Variants in TOP1 observed in about 807,000 individuals in gnomAD.
TOP1 encodes DNA topoisomerase I.
A neutral mutation model predicts 111.1 loss-of-function variants in TOP1; 10 were observed. The ratio of observed to expected loss-of-function variants is 0.09; its 90% CI spans 0.06 to 0.15. TOP1 has a LOEUF of 0.15. Ranked by LOEUF, TOP1 falls within the 10% of genes least tolerant of loss-of-function variation. The pLI is 1.00. For missense variants in TOP1, 474 were observed against 926.7 expected, an observed-to-expected ratio of 0.51 and a Z score of 6.34; for synonymous variants, 271 against 302.9, an observed-to-expected ratio of 0.89 and a Z score of 1.10.
At position 41,095,060 on chromosome 20, in the gene TOP1, T is replaced by A. The variant is rs2145947576; in HGVS notation, c.731-2160T>A. Among the ~76,000 whole-genome samples, 1 of 152,228 alleles carries A rather than the reference T, an allele frequency of 6.6e-6. No homozygotes were observed. Among genetic ancestry groups the A allele is most frequent in the Non-Finnish European group, 1.5e-5 (1 of 68,016 alleles). ...ATTTTTTTTAAATTTATTTTTATAT[T>A]TATTTATTTGAGACAGAGTCACACT... On this transcript the variant is annotated intron_variant, in intron 9 of 20. Transcript: ENST00000361337. The surrounding 1 kb of genome is among the most constrained non-coding windows in gnomAD (Gnocchi z 4.6).
At position 41,100,254 on chromosome 20, in the gene TOP1, A is replaced by G. The variant is rs1029918789; in HGVS notation, c.1163+11A>G. 6 of 1,606,114 alleles carry G rather than the reference A, an allele frequency of 3.7e-6. No individual in the cohort carries two copies. The highest frequency in any genetic ancestry group is 1.1e-5 in the South Asian group (1 of 90,572). ...CATCAACTGTAGCAAGTGAGCTCGC[A>G]CTTCATCCTATGGGCCAAAAAGGGG... On this transcript the variant is annotated intron_variant, in intron 12 of 20. Transcript: ENST00000361337. The surrounding 1 kb of genome is among the most constrained non-coding windows in gnomAD (Gnocchi z 4.4).
intron 18 of TOP1, among the ~76,000 whole-genome samples, chr20:41,120,797 A>G (rs2034410115): frequency 6.6e-6 from 1 of 152,168 alleles, no homozygotes; most frequent in Non-Finnish European, 1.5e-5. Flanking sequence ...GCTGGAGTGC[A>G]GGGGCATGAT....
intron 8 of TOP1, among the ~76,000 whole-genome samples, chr20:41,091,060 T>C (rs2033914292): frequency 6.6e-6 from 1 of 152,234 alleles, no homozygotes; most frequent in South Asian, 2.1e-4. Flanking sequence ...CATCTTGTTG[T>C]AAATCATTTG....
Position 41,092,562 on chromosome 20 carries a change from A to G in TOP1, c.705A>G (p.Pro235=). 1 of 1,586,724 alleles carries G rather than the reference A, an allele frequency of 6.3e-7. No individual in the cohort carries two copies. The highest frequency in any genetic ancestry group is 8.6e-7 in the Non-Finnish European group (1 of 1,165,380). ...TTGCCCCACCATATGAGCCTCTTCC[A>G]GAGAATGTCAAGTTTTATTATGATG... ...PVFAPPYEPL[P]ENVKFYYDGK... is the part of the protein sequence containing the mutation. The change falls in exon 9 of 21, where the codon CCA becomes CCG. Residue 235 remains proline, a synonymous_variant. Coordinates refer to ENST00000361337, the MANE Select transcript of TOP1 (RefSeq NM_003286.4). The surrounding 1 kb of genome is among the most constrained non-coding windows in gnomAD (Gnocchi z 4.3).
chr20:41,119,525 T>A (rs1325374592), intron 18 of TOP1, among the ~76,000 whole-genome samples: 1 of 152,218 alleles, frequency 6.6e-6, no homozygotes, highest in Non-Finnish European at 1.5e-5. Flanking sequence ...CTCATCCAAG[T>A]TCATGGAATT....
At position 41,100,679 on chromosome 20, in the gene TOP1, C is replaced by G. The variant is rs2034049901; in HGVS notation, c.1163+436C>G. 1 of 163,428 alleles carries G rather than the reference C, an allele frequency of 6.1e-6. No homozygotes were observed. The highest frequency in any genetic ancestry group is 1.3e-5 in the Non-Finnish European group (1 of 75,346). 10.1% of individuals were successfully genotyped at this position (163,428 alleles called of 1,614,324 possible). On this transcript the variant is annotated intron_variant, in intron 12 of 20. Transcript: ENST00000361337. The surrounding 1 kb of genome is among the most constrained non-coding windows in gnomAD (Gnocchi z 4.4). ...TTACCTTAGATCTTAGCAACTTCAC[C>G]ATACAGTTTTTTTTATTAAGTCGAT...
rs1161226482 is a variant in TOP1 at position 41,113,889 on chromosome 20, A to AC, written c.1453-81_1453-80insC. 4 of 1,211,308 alleles carry AC rather than the reference A, an allele frequency of 3.3e-6. No individual in the cohort carries two copies. In the African/African-American group the frequency reaches 6.2e-5, roughly 19 times the overall value. 75.0% of individuals were successfully genotyped at this position (1,211,308 alleles called of 1,614,324 possible). A position where few individuals can be genotyped will look rare whatever the true frequency, so the allele number is the denominator to read the frequency against. On this transcript the variant is annotated intron_variant, in intron 14 of 20. Coordinates refer to ENST00000361337, the MANE Select transcript of TOP1 (RefSeq NM_003286.4). ...AGAGCGAGACTGTCTCAAAAAAAAA[A>AC]AAAAAAAAAACACAGAACGAAATTG...
intron 8 of TOP1, among the ~76,000 whole-genome samples, chr20:41,090,835 GT>G (rs569019476): frequency 2.3e-4 from 35 of 152,238 alleles, no homozygotes; most frequent in Non-Finnish European, 3.5e-4. Context: ...TGTTACCTGT[GT>G]TTTACGTGTC....
chr20:41,076,959 A>G (rs1000019429), intron 4 of TOP1, among the ~76,000 whole-genome samples: 25 of 152,152 alleles, frequency 1.6e-4, no homozygotes, highest in Non-Finnish European at 2.2e-4. Context: ...CTTTGTGTGT[A>G]TATATGAAGA....
chr20:41,034,575 G>A lies in TOP1; in HGVS notation c.58+5120G>A, dbSNP rs556712924. The stretch of plus-strand genomic sequence containing the variant: ...AGAGGAATGTCTGTTAGATATTGAT[G>A]GTATTTTGGTGGCGTTATGAGAAAT... On this transcript the variant is annotated intron_variant, in intron 2 of 20. Transcript: ENST00000361337. This position sits in a 1 kb window ranked among gnomAD's most constrained non-coding sequence, Gnocchi z 4.0. Among the ~76,000 whole-genome samples, 4 of 152,190 alleles carry A rather than the reference G, an allele frequency of 2.6e-5. No individual in the cohort carries two copies. In the South Asian group the frequency reaches 8.3e-4, roughly 32 times the overall value.
Position 41,098,224 on chromosome 20 carries a change from A to G in TOP1, c.862A>G (p.Asn288Asp), listed in dbSNP as rs1164533429. 6.8e-6 allele frequency: 11 copies of G among 1,613,696 alleles called. No homozygotes were observed. Among genetic ancestry groups the G allele is most frequent in the Non-Finnish European group, 9.3e-6 (11 of 1,179,778 alleles). The change falls in exon 11 of 21, where the codon AAT (asparagine) becomes GAT (aspartate). Residue 288 changes from asparagine to aspartate, a missense_variant. Physicochemically the swap from Asn to Asp is conservative, Grantham distance 23 (BLOSUM62 1). Around this residue, in one of 14 missense-constraint regions of TOP1, gnomAD observed 84 missense variants for 119.2 expected, o/e 0.70. Transcript: ENST00000361337. This position sits in a 1 kb window ranked among gnomAD's most constrained non-coding sequence, Gnocchi z 5.7. Reference protein sequence around the residue: ...FFKDWRKEMTNEEKNIITNLS... With the variant: ...FFKDWRKEMTDEEKNIITNLS... ...ATTTTCTTTTGACTAGGAAATGACT[A>G]ATGAAGAGAAGAATATTATCACCAA...
Position 41,116,277 on chromosome 20 carries a change from G to T in TOP1, c.1708-1G>T. ...TAAATCTGTTGCTTTGTCTCCTCCA[G>T]ACTGGTATTCTGAATAAGCATCTTC... On this transcript the variant is annotated splice_acceptor_variant, in intron 16 of 20. Transcript: ENST00000361337. LOFTEE classifies it high-confidence loss of function. This position sits in a 1 kb window ranked among gnomAD's most constrained non-coding sequence, Gnocchi z 5.6. 6.2e-7 allele frequency: 1 copy of T among 1,608,766 alleles called. No individual in the cohort carries two copies. The highest frequency in any genetic ancestry group is 1.1e-5 in the South Asian group (1 of 90,904).
At chr20:41,065,500 T>C (rs2033596158) in intron 3 of TOP1, among the ~76,000 whole-genome samples, 1 of 152,202 alleles carries the variant, frequency 6.6e-6, no homozygotes, top group African/African-American at 2.4e-5. Flanking sequence ...CTCCAGAACT[T>C]TTCATCATCC....
chr20:41,070,306 C>T (rs888125465), intron 3 of TOP1, among the ~76,000 whole-genome samples: 4 of 152,120 alleles, frequency 2.6e-5, no homozygotes, highest in Non-Finnish European at 5.9e-5. Context: ...TCCTTTTATC[C>T]TCTCTGGCCT....
intron 13 of TOP1, among the ~76,000 whole-genome samples, chr20:41,108,590 A>G (rs187472275): frequency 6.6e-6 from 1 of 152,306 alleles, no homozygotes; most frequent in Non-Finnish European, 1.5e-5. Flanking sequence ...ACTCATTCAT[A>G]TCTTTTTATG....
chr20:41,086,794 C>G (rs926453484), intron 8 of TOP1, among the ~76,000 whole-genome samples: 3 of 152,192 alleles, frequency 2.0e-5, no homozygotes, highest in South Asian at 2.1e-4. Context: ...GCTACAGCTT[C>G]TAACGCATGC....
intron 2 of TOP1, among the ~76,000 whole-genome samples, chr20:41,050,784 C>T (rs34984558): frequency 0.013 from 1,938 of 152,308 alleles, 23 homozygotes; most frequent in Non-Finnish European, 0.015. Flanking sequence ...TTACTGCACT[C>T]CTGGATGCCA....
chr20:41,029,418 TTTC>T lies in TOP1; in HGVS notation c.34-10_34-8del, dbSNP rs767196458. On this transcript the variant is annotated splice_polypyrimidine_tract_variant and intron_variant, in intron 1 of 20. Coordinates refer to ENST00000361337, the MANE Select transcript of TOP1 (RefSeq NM_003286.4). The surrounding 1 kb of genome is among the most constrained non-coding windows in gnomAD (Gnocchi z 6.1). ...TGGCTGTTGTTTGATATTCTCTCCT[TTTC>T]TTTTTCCAGATCGAAGCGGATTTCC... 6.8e-7 allele frequency: 1 copy of T among 1,480,460 alleles called. No individual in the cohort carries two copies. The highest frequency in any genetic ancestry group is 2.5e-5 in the Admixed American group (1 of 40,768). The allele number at this position is 1,480,460 out of a possible 1,614,324, so 91.7% of individuals were successfully genotyped here.
chr20:41,084,664 TG>T, intron 8 of TOP1, 96 bp downstream of exon 8: 1 of 692,880 alleles, frequency 1.4e-6, no homozygotes, highest in Non-Finnish European at 2.3e-6. Flanking sequence ...TCCTGATATT[TG>T]GGGGGAAATA....
Sources: allele counts gnomAD v4.1 joint callset (sites outside exome capture counted in the v4.1 genomes callset), GRCh38; gene constraint gnomAD v4.1.1; regional missense constraint gnomAD v4.1.1; non-coding constraint Gnocchi (gnomAD v3.1); transcripts MANE v1.5; gene names NCBI Gene and HGNC (gene_info 2026-07-23, HGNC 2026-07-21).